The following ATF7IP variants were observed in gnomAD, a reference collection of about 807,000 sequenced individuals.
ATF7IP encodes the protein activating transcription factor 7-interacting protein 1.
Under a neutral mutation model 106.4 loss-of-function variants are expected in ATF7IP, and 23 were observed. That is an observed-to-expected ratio of 0.22 (90% CI 0.16 to 0.31). The LOEUF (loss-of-function observed/expected upper bound fraction) is 0.31, where lower values mean the gene tolerates loss of function less well. ATF7IP is among the 10% of genes least tolerant of loss of function. ATF7IP has a pLI of 1.00. For missense variants in ATF7IP, 1,334 were observed against 1,524.3 expected (o/e 0.88, Z 2.08); for synonymous variants, 542 against 539.0 (o/e 1.01, Z -0.08).
At chr12:14,457,385 A>C in intron 8 of ATF7IP, 90 bp downstream of exon 8, 1 of 985,842 alleles carries the variant, frequency 1.0e-6, no homozygotes, top group Non-Finnish European at 1.5e-6. Context: ...GTTGAAATGG[A>C]TTAAGAAATT....
chr12:14,402,566 TG>T (rs1940303710), intron 1 of ATF7IP, among the ~76,000 whole-genome samples: 1 of 151,868 alleles, frequency 6.6e-6, no homozygotes, highest in South Asian at 2.1e-4. Flanking sequence ...AGTTCTAATA[TG>T]TCATGTAAGT....
intron 13 of ATF7IP, among the ~76,000 whole-genome samples, chr12:14,490,967 G>A (rs771332595): frequency 2.0e-5 from 3 of 152,114 alleles, no homozygotes; most frequent in Non-Finnish European, 1.5e-5. Context: ...AACAGGCCAA[G>A]AGCTGTCTCT....
chr12:14,440,775 T>C (rs185871038), intron 5 of ATF7IP, among the ~76,000 whole-genome samples: 18 of 152,356 alleles, frequency 1.2e-4, no homozygotes, highest in African/African-American at 1.9e-4. Flanking sequence ...TGCTCTTCTT[T>C]TCCTCTTACA....
intron 8 of ATF7IP, among the ~76,000 whole-genome samples, chr12:14,459,641 C>CTG (rs1294008206): frequency 6.6e-6 from 1 of 152,138 alleles, no homozygotes; most frequent in African/African-American, 2.4e-5. Context: ...TGCAAACTCC[C>CTG]TGAAAGGGTC....
intron 1 of ATF7IP, among the ~76,000 whole-genome samples, chr12:14,411,195 G>A (rs1940895776): frequency 6.6e-6 from 1 of 152,136 alleles, no homozygotes. Flanking sequence ...ACATATTGTG[G>A]AACTGCCTGT....
chr12:14,423,636 C>A, intron 1 of ATF7IP: 3 of 136,194 alleles, frequency 2.2e-5, no homozygotes, highest in Non-Finnish European at 4.1e-5. Flanking sequence ...CATCTCCATA[C>A]TCTGTGAATT....
chr12:14,383,949 T>C (rs1939106269), intron 1 of ATF7IP, among the ~76,000 whole-genome samples: 1 of 152,198 alleles, frequency 6.6e-6, no homozygotes, highest in Non-Finnish European at 1.5e-5. Flanking sequence ...AGTTTAACTT[T>C]TTTTTTCTGA....
chr12:14,489,212 A>G (rs1209016148), intron 13 of ATF7IP, among the ~76,000 whole-genome samples: 2 of 152,068 alleles, frequency 1.3e-5, no homozygotes, highest in Non-Finnish European at 2.9e-5. Flanking sequence ...GCCTTAATGG[A>G]TCTCCTGTAT....
chr12:14,401,838 C>T (rs1411352825), intron 1 of ATF7IP, among the ~76,000 whole-genome samples: 3 of 150,598 alleles, frequency 2.0e-5, no homozygotes, highest in Admixed American at 6.6e-5. Flanking sequence ...CTCAGCCTCC[C>T]GAGTAGCTGG....
At chr12:14,393,915 C>A (rs1939706622) in intron 1 of ATF7IP, among the ~76,000 whole-genome samples, 1 of 152,082 alleles carries the variant, frequency 6.6e-6, no homozygotes, top group Non-Finnish European at 1.5e-5. Context: ...CTTGTCAGAT[C>A]TGGCCAGTAA....
chr12:14,424,868 A>G lies in ATF7IP; in HGVS notation c.953A>G (p.Glu318Gly), dbSNP rs781749925. Residue 318 changes from glutamate (E) to glycine (G), a missense_variant, in exon 2 of 15, where the codon GAA becomes GGA. Transcript: ENST00000261168. ...AGCAATAAAGATGATGATTTTCTTGAAAAAAATGGAGCTGATGAAAAATTA... is the reference window on the plus strand; with the variant it reads ...AGCAATAAAGATGATGATTTTCTTGGAAAAAATGGAGCTGATGAAAAATTA... ...PSSNKDDDFL[E>G]KNGADEKLEQ... The G allele has an allele frequency of 2.5e-6, 4 of 1,610,532 alleles. No individual in the cohort carries two copies. In the African/African-American group the frequency reaches 4.0e-5, roughly 16 times the overall value.
chr12:14,456,573 C>T lies in ATF7IP; in HGVS notation c.2008C>T (p.Pro670Ser). The change falls in exon 7 of 15, where the codon CCA (proline) becomes TCA (serine). Residue 670 changes from proline to serine, a missense_variant. Transcript: ENST00000261168. ...LKKRHEHPPN[P>S]PVSPGKTVND... ...TTTTCTCCCCCAGCATCCACCCAAC[C>T]CACCAGTATCACCAGGAAAAACTGT... The T allele has an allele frequency of 1.2e-6, 2 of 1,611,912 alleles. No individual in the cohort carries two copies. Among genetic ancestry groups the T allele is most frequent in the Non-Finnish European group, 1.7e-6 (2 of 1,179,086 alleles).
At chr12:14,481,602 C>T (rs1591955490) in intron 13 of ATF7IP, 3 of 439,754 alleles carry the variant, frequency 6.8e-6, no homozygotes, top group South Asian at 1.7e-5. Flanking sequence ...ATTTTTCTTC[C>T]CTTAGGAGAG....
At chr12:14,423,831 A>G (rs1941675168) in intron 1 of ATF7IP, 78 bp from the exon 2 acceptor site, 1 of 1,454,212 alleles carries the variant, frequency 6.9e-7, no homozygotes, top group Admixed American at 2.4e-5. Context: ...CATCTCTTCT[A>G]AGATCAATTT....
In ATF7IP at chr12:14,407,126, G is replaced by A. The variant is rs1393635029; in HGVS notation, c.-7-16783G>A. Among the ~76,000 whole-genome samples the A allele has an allele frequency of 2.6e-5, 4 of 152,028 alleles. 1 individual carries two copies. Among genetic ancestry groups the A allele is most frequent in the East Asian group, 3.8e-4 (2 of 5,196 alleles). On this transcript the variant is annotated intron_variant, in intron 1 of 14. Transcript: ENST00000261168. ...TATAATTTTTATATTAAGTGTTTAG[G>A]CTTTCGTAGTGTCAAATATATGAAT...
chr12:14,484,363 C>T (rs892733022), intron 13 of ATF7IP, among the ~76,000 whole-genome samples: 1 of 152,160 alleles, frequency 6.6e-6, no homozygotes, highest in Non-Finnish European at 1.5e-5. Context: ...TTATTAATAT[C>T]CTCCTCTGCT....
At chr12:14,431,526 C>T (rs937544540) in intron 2 of ATF7IP, among the ~76,000 whole-genome samples, 4 of 151,854 alleles carry the variant, frequency 2.6e-5, no homozygotes, top group Admixed American at 2.6e-4. Context: ...TCCCGAGTAG[C>T]TGGGACTACA....
chr12:14,373,926 G>T (rs543750458), intron 1 of ATF7IP, among the ~76,000 whole-genome samples: 7 of 151,972 alleles, frequency 4.6e-5, no homozygotes, highest in Non-Finnish European at 1.0e-4. Flanking sequence ...TTAAAACTCA[G>T]TGTAGTATTT....
At chr12:14,431,064 C>CT (rs1377831572) in intron 2 of ATF7IP, among the ~76,000 whole-genome samples, 19 of 152,340 alleles carry the variant, frequency 1.2e-4, no homozygotes, top group Admixed American at 1.2e-3. Context: ...AAATGGGAAA[C>CT]TAAGTCCCCT....
Sources: allele counts gnomAD v4.1 joint callset (sites outside exome capture counted in the v4.1 genomes callset), GRCh38; gene constraint gnomAD v4.1.1; transcripts MANE v1.5; gene names NCBI Gene and HGNC (gene_info 2026-07-23, HGNC 2026-07-21).